Variants in TRAPPC8 observed in about 807,000 individuals in gnomAD.
The protein encoded by TRAPPC8 is trafficking protein particle complex subunit 8.
A neutral mutation model predicts 174.3 loss-of-function variants in TRAPPC8; 54 were observed. That is an observed-to-expected ratio of 0.31 (90% CI 0.25 to 0.39). TRAPPC8 has a LOEUF of 0.39. Ranked by LOEUF, TRAPPC8 falls within the 10% of genes least tolerant of loss-of-function variation. The probability of loss-of-function intolerance (pLI) is 1.00; values close to 1 mark genes in which losing one functional copy is unlikely to be tolerated. For missense variants in TRAPPC8, 1,531 were observed against 1,699.1 expected (o/e 0.90, Z 1.74); for synonymous variants, 630 against 579.9 (o/e 1.09, Z -1.24).
chr18:31,862,965 T>C (rs965660569), intron 19 of TRAPPC8, among the ~76,000 whole-genome samples: 96 of 150,752 alleles, frequency 6.4e-4, no homozygotes, highest in African/African-American at 2.1e-3. Flanking sequence ...GGCAGGAGAA[T>C]TGCTTGAACC....
At chr18:31,913,278 C>T (rs944942346) in intron 5 of TRAPPC8, 91 bp downstream of exon 5, 1 of 1,375,714 alleles carries the variant, frequency 7.3e-7, no homozygotes, top group Non-Finnish European at 9.7e-7. Flanking sequence ...AGATTCCACA[C>T]AATTAATATG....
intron 21 of TRAPPC8, among the ~76,000 whole-genome samples, chr18:31,854,548 A>G (rs1000361341): frequency 6.6e-6 from 1 of 152,182 alleles, no homozygotes; most frequent in Non-Finnish European, 1.5e-5. Context: ...CACCTTACAA[A>G]TTTAAGAAGT....
intron 9 of TRAPPC8, among the ~76,000 whole-genome samples, chr18:31,902,682 T>C (rs1331980011): frequency 2.0e-5 from 3 of 152,098 alleles, no homozygotes; most frequent in Admixed American, 1.3e-4. Context: ...CCACTGGAGA[T>C]GGGGGAGTCA....
chr18:31,889,160 T>C (rs202117629), intron 12 of TRAPPC8, among the ~76,000 whole-genome samples: 1 of 152,202 alleles, frequency 6.6e-6, no homozygotes, highest in East Asian at 1.9e-4. Context: ...AGAGTGGTCA[T>C]GAAATAGCAA....
At chr18:31,850,033 A>G (rs757777681) in intron 24 of TRAPPC8, among the ~76,000 whole-genome samples, 3 of 151,944 alleles carry the variant, frequency 2.0e-5, no homozygotes, top group East Asian at 3.9e-4. Context: ...GCTCACTGCA[A>G]CCTCTACCTC....
At chr18:31,934,449 A>G (rs980453083) in intron 1 of TRAPPC8, among the ~76,000 whole-genome samples, 2 of 152,158 alleles carry the variant, frequency 1.3e-5, no homozygotes, top group Non-Finnish European at 2.9e-5. Context: ...AAATAAACAT[A>G]CCAGCCTCTC....
chr18:31,871,209 A>AAT (rs911015615), intron 14 of TRAPPC8, 89 bp from the exon 15 acceptor site: 40 of 656,270 alleles, frequency 6.1e-5, no homozygotes, highest in Middle Eastern at 9.1e-4. Context: ...GAAATAAAAA[A>AAT]ATATATATAT....
intron 12 of TRAPPC8, among the ~76,000 whole-genome samples, chr18:31,880,116 TA>T (rs2035367750): frequency 1.4e-4 from 12 of 88,092 alleles, no homozygotes; most frequent in Non-Finnish European, 2.4e-4. Flanking sequence ...TATATATATA[TA>T]TATATTTTTT....
Position 31,897,404 on chromosome 18 carries a change from T to A in TRAPPC8, c.1596+382A>T, listed in dbSNP as rs530530458. ...GATTAATCTTTTAAAATTAGCTTTATCTCCCTAGCAAGCAGACTCAGATAA... is the reference window on the plus strand; with the variant it reads ...GATTAATCTTTTAAAATTAGCTTTAACTCCCTAGCAAGCAGACTCAGATAA... On this transcript the variant is annotated intron_variant, in intron 11 of 28. Transcript: ENST00000283351. 7.2e-5 allele frequency among the ~76,000 whole-genome samples: 11 copies of A among 152,264 alleles called. No homozygotes were observed. In the South Asian group the frequency reaches 1.2e-3, roughly 17 times the overall value.
At chr18:31,940,032 C>G (rs1459581355) in intron 1 of TRAPPC8, among the ~76,000 whole-genome samples, 2 of 152,034 alleles carry the variant, frequency 1.3e-5, no homozygotes, top group Non-Finnish European at 2.9e-5. Context: ...GTGACTAGTA[C>G]AAATTGAGAT....
At chr18:31,933,746 T>C (rs2145641868) in intron 1 of TRAPPC8, among the ~76,000 whole-genome samples, 1 of 152,302 alleles carries the variant, frequency 6.6e-6, no homozygotes, top group South Asian at 2.1e-4. Context: ...AATAAAGTTA[T>C]ATGCATACAA....
intron 12 of TRAPPC8, among the ~76,000 whole-genome samples, chr18:31,886,569 T>G (rs1049353765): frequency 3.3e-5 from 5 of 152,204 alleles, no homozygotes; most frequent in Non-Finnish European, 7.3e-5. Flanking sequence ...AAAGGTTGTC[T>G]AATCACATAC....
chr18:31,931,879 T>A (rs1353462149), intron 1 of TRAPPC8, among the ~76,000 whole-genome samples: 1 of 152,180 alleles, frequency 6.6e-6, no homozygotes, highest in African/African-American at 2.4e-5. Flanking sequence ...AGGTCTATGG[T>A]ATTAACACTA....
intron 1 of TRAPPC8, 152 bp downstream of exon 1, chr18:31,942,456 G>A (rs1045179006): frequency 8.7e-6 from 9 of 1,034,842 alleles, no homozygotes; most frequent in Non-Finnish European, 1.2e-5. Flanking sequence ...TCCTCCAGCC[G>A]CCCCCGGAGC....
At position 31,942,600 on chromosome 18, in the gene TRAPPC8, C is replaced by G. The variant is rs202233327; in HGVS notation, c.157+8G>C. 3.0e-5 allele frequency: 47 copies of G among 1,589,632 alleles called. No individual in the cohort carries two copies. In the African/African-American group the frequency reaches 5.7e-4, roughly 19 times the overall value. On this transcript the variant is annotated splice_region_variant and intron_variant, in intron 1 of 28. Coordinates refer to ENST00000283351, the MANE Select transcript of TRAPPC8 (RefSeq NM_014939.5). Reference sequence around the variant, plus strand: ...GGAGCCCACTGGAAAAGGGAGGATACCACATACCCTCGGAAGTGAGGCGGG... The same window carrying G: ...GGAGCCCACTGGAAAAGGGAGGATAGCACATACCCTCGGAAGTGAGGCGGG...
intron 12 of TRAPPC8, among the ~76,000 whole-genome samples, chr18:31,889,096 A>T (rs1340489859): frequency 2.6e-5 from 4 of 152,132 alleles, no homozygotes; most frequent in African/African-American, 9.7e-5. Flanking sequence ...ATATTCTCAG[A>T]TTTCCACAAA....
intron 4 of TRAPPC8, among the ~76,000 whole-genome samples, chr18:31,914,329 G>C (rs2037044876): frequency 6.6e-6 from 1 of 152,190 alleles, no homozygotes; most frequent in Admixed American, 6.5e-5. Context: ...ATGCATGTGT[G>C]TGTACACACA....
chr18:31,830,986 T>C lies in TRAPPC8; in HGVS notation c.4077A>G (p.Pro1359=). 6.2e-7 allele frequency: 1 copy of C among 1,607,838 alleles called. No homozygotes were observed. Among genetic ancestry groups the C allele is most frequent in the Non-Finnish European group, 8.5e-7 (1 of 1,175,886 alleles). The stretch of plus-strand genomic sequence containing the variant: ...ATGATCCATGGATTTCCAGTGCTTC[T>C]GGACTAAGGGAGGAGGAAAATGTAA... ...IVDLRHKTTS[P]EALEIHGSFT... Residue 1359 remains proline, a synonymous_variant, in exon 29 of 29, where the codon CCA becomes CCG. Coordinates refer to ENST00000283351, the MANE Select transcript of TRAPPC8 (RefSeq NM_014939.5).
Position 31,855,700 on chromosome 18 carries a change from C to T in TRAPPC8, c.3296G>A (p.Gly1099Asp), listed in dbSNP as rs1173694438. 6.2e-7 allele frequency: 1 copy of T among 1,608,414 alleles called. No individual in the cohort carries two copies. The highest frequency in any genetic ancestry group is 1.3e-5 in the African/African-American group (1 of 74,368). Residue 1099 changes from glycine (G) to aspartate (D), a missense_variant, in exon 21 of 29, where the codon GGC becomes GAC. Gly to Asp is a moderately conservative substitution (Grantham distance 94). Transcript: ENST00000283351. Reference protein sequence around the residue: ...NSLENEEGRGGNMLVFVDVEN... With the variant: ...NSLENEEGRGDNMLVFVDVEN... ...CACATCCACAAAGACTAGCATATTGCCTCCTCTGCCTTCTTCATTTTCAAG... is the reference window on the plus strand; with the variant it reads ...CACATCCACAAAGACTAGCATATTGTCTCCTCTGCCTTCTTCATTTTCAAG...
Sources: allele counts gnomAD v4.1 joint callset (sites outside exome capture counted in the v4.1 genomes callset), GRCh38; gene constraint gnomAD v4.1.1; transcripts MANE v1.5; gene names NCBI Gene and HGNC (gene_info 2026-07-23, HGNC 2026-07-21).